RERE: variants seen among roughly 807,000 people sequenced by gnomAD.
The protein encoded by RERE is arginine-glutamic acid dipeptide repeats, also known as arginine-glutamic acid dipeptide repeats protein.
RERE carries 40 observed loss-of-function variants against 146.1 expected under a neutral mutation model. The observed-to-expected ratio is 0.27, with a 90% CI of 0.21 to 0.36. The LOEUF (loss-of-function observed/expected upper bound fraction) is 0.36, where lower values mean the gene tolerates loss of function less well. Ranked by LOEUF, RERE falls within the 10% of genes least tolerant of loss-of-function variation. The probability of loss-of-function intolerance (pLI) is 1.00; values close to 1 mark genes in which losing one functional copy is unlikely to be tolerated. For missense variants in RERE, 1,933 were observed against 2,138.7 expected (o/e 0.90, Z 1.90); for synonymous variants, 1,003 against 866.0 (o/e 1.16, Z -2.78).
intron 11 of RERE, among the ~76,000 whole-genome samples, chr1:8,444,528 T>C (rs893220180): frequency 1.9e-4 from 29 of 152,270 alleles, no homozygotes; most frequent in African/African-American, 6.7e-4. Context: ...GAGAAGGACA[T>C]GTGGTTTGCG....
At chr1:8,772,806 G>A (rs1338398345) in intron 1 of RERE, among the ~76,000 whole-genome samples, 1 of 150,982 alleles carries the variant, frequency 6.6e-6, no homozygotes, top group African/African-American at 2.4e-5. Flanking sequence ...AGAAATTTAT[G>A]GGCTGGGCAC....
intron 1 of RERE, among the ~76,000 whole-genome samples, chr1:8,741,552 G>A (rs1032378121): frequency 2.6e-5 from 4 of 152,130 alleles, no homozygotes; most frequent in Admixed American, 6.6e-5. Context: ...CATAAGATCC[G>A]ATCTGATGGT....
At chr1:8,599,168 G>A (rs947316017) in intron 4 of RERE, among the ~76,000 whole-genome samples, 6 of 152,172 alleles carry the variant, frequency 3.9e-5, no homozygotes, top group Non-Finnish European at 8.8e-5. Context: ...GCACCCAAAT[G>A]ACACAGTGAC....
chr1:8,612,584 TAA>T (rs1433759390), intron 4 of RERE, among the ~76,000 whole-genome samples: 1 of 152,186 alleles, frequency 6.6e-6, no homozygotes, highest in African/African-American at 2.4e-5. Context: ...AATTCTAATA[TAA>T]AAAGTTTACA....
At chr1:8,640,615 G>T (rs755713180) in intron 2 of RERE, among the ~76,000 whole-genome samples, 1 of 152,106 alleles carries the variant, frequency 6.6e-6, no homozygotes, top group Non-Finnish European at 1.5e-5. Context: ...TAATTAGCTT[G>T]AGTACATTTT....
intron 10 of RERE, among the ~76,000 whole-genome samples, chr1:8,476,106 C>CA (rs1644752682): frequency 6.6e-6 from 1 of 152,208 alleles, no homozygotes; most frequent in Admixed American, 6.5e-5. Flanking sequence ...CCTGGAGTCA[C>CA]ATGGAAGAAA....
intron 2 of RERE, among the ~76,000 whole-genome samples, chr1:8,653,940 A>G (rs1195001223): frequency 6.6e-6 from 1 of 151,978 alleles, no homozygotes; most frequent in Non-Finnish European, 1.5e-5. Flanking sequence ...TGATCAATTT[A>G]TATCACACAA....
intron 1 of RERE, among the ~76,000 whole-genome samples, chr1:8,759,838 T>TATACACAC (rs1553146162): frequency 2.1e-5 from 3 of 142,230 alleles, no homozygotes; most frequent in African/African-American, 7.8e-5. Context: ...ACTCTCTCTA[T>TATACACAC]ACACACACAC....
chr1:8,661,998 G>A (rs1638468009), intron 1 of RERE, among the ~76,000 whole-genome samples: 1 of 152,148 alleles, frequency 6.6e-6, no homozygotes, highest in South Asian at 2.1e-4. Context: ...GTACCCTTAG[G>A]ACTCCTTTTA....
intron 3 of RERE, among the ~76,000 whole-genome samples, chr1:8,623,441 ACT>A (rs1330272585): frequency 6.6e-6 from 1 of 152,170 alleles, no homozygotes; most frequent in Non-Finnish European, 1.5e-5. Context: ...ACAGAGCAAG[ACT>A]CTGTTTCAAA....
At chr1:8,774,511 G>A (rs762552532) in intron 1 of RERE, among the ~76,000 whole-genome samples, 6 of 151,564 alleles carry the variant, frequency 4.0e-5, no homozygotes, top group Admixed American at 2.6e-4. Context: ...GTGCCACCAC[G>A]CCCGGCTAAT....
intron 1 of RERE, among the ~76,000 whole-genome samples, chr1:8,773,866 C>T (rs1448188120): frequency 1.3e-5 from 2 of 152,144 alleles, no homozygotes; most frequent in Non-Finnish European, 2.9e-5. Flanking sequence ...GCTGTACATA[C>T]ATTTGACATC....
chr1:8,620,756 C>T (rs1395817505), intron 3 of RERE, among the ~76,000 whole-genome samples: 1 of 151,764 alleles, frequency 6.6e-6, no homozygotes, highest in Non-Finnish European at 1.5e-5. Context: ...TAAGTACGTG[C>T]TGTCCCTAAT....
chr1:8,393,805 A>G (rs1409593384), intron 12 of RERE, among the ~76,000 whole-genome samples: 1 of 152,250 alleles, frequency 6.6e-6, no homozygotes, highest in Non-Finnish European at 1.5e-5. Context: ...GTATCCAGGT[A>G]AAAGTAAAAA....
chr1:8,506,182 GA>G (rs1645247712), intron 8 of RERE, among the ~76,000 whole-genome samples: 2 of 152,198 alleles, frequency 1.3e-5, no homozygotes, highest in African/African-American at 2.4e-5. Flanking sequence ...AATGGGAGAC[GA>G]AACTGAGTGG....
chr1:8,564,396 G>C (rs948447355), intron 4 of RERE, among the ~76,000 whole-genome samples: 10 of 152,224 alleles, frequency 6.6e-5, no homozygotes, highest in Middle Eastern at 3.4e-3. Flanking sequence ...CATAGCCTGA[G>C]GGTAATTATA....
intron 8 of RERE, among the ~76,000 whole-genome samples, chr1:8,503,276 G>A (rs549962039): frequency 1.3e-5 from 2 of 152,146 alleles, no homozygotes; most frequent in Admixed American, 6.5e-5. Flanking sequence ...TTAGTTGCTA[G>A]TGTCAACACA....
At chr1:8,721,604 G>T (rs937697720) in intron 1 of RERE, among the ~76,000 whole-genome samples, 33 of 152,144 alleles carry the variant, frequency 2.2e-4, no homozygotes, top group Non-Finnish European at 3.8e-4. Flanking sequence ...GTGAGCCACC[G>T]TGCCTGGCAA....
intron 4 of RERE, among the ~76,000 whole-genome samples, chr1:8,612,823 G>C (rs1445388374): frequency 1.3e-5 from 2 of 152,118 alleles, no homozygotes; most frequent in Non-Finnish European, 2.9e-5. Flanking sequence ...GTCACATTGG[G>C]AATCTACTAA....
Sources: gnomAD v4.1 joint callset for allele counts (sites outside exome capture counted in the v4.1 genomes callset) on GRCh38, gnomAD v4.1.1 for gene constraint, MANE v1.5 for transcripts, NCBI Gene and HGNC (gene_info 2026-07-23, HGNC 2026-07-21) for gene names.